The following GRM1 variants were observed in gnomAD, a reference collection of about 807,000 sequenced individuals.
GRM1 encodes glutamate metabotropic receptor 1.
A neutral mutation model predicts 90.9 loss-of-function variants in GRM1; 33 were observed. The observed-to-expected ratio is 0.36, with a 90% CI of 0.28 to 0.49. GRM1 has a LOEUF of 0.49. Ranked by LOEUF, GRM1 falls within the 20% of genes least tolerant of loss-of-function variation. The pLI is 0.99. For missense variants in GRM1, 1,190 were observed against 1,534.3 expected (o/e 0.78, Z 3.75); for synonymous variants, 700 against 613.2 (o/e 1.14, Z -2.09).
intron 3 of GRM1, among the ~76,000 whole-genome samples, chr6:146,311,631 T>C (rs929448649): frequency 2.6e-5 from 4 of 152,210 alleles, no homozygotes; most frequent in African/African-American, 9.7e-5. Flanking sequence ...AATGAAACCT[T>C]CAGTTCCTCA....
chr6:146,331,512 G>A (rs1052248636), intron 3 of GRM1, among the ~76,000 whole-genome samples: 10 of 152,152 alleles, frequency 6.6e-5, no homozygotes, highest in African/African-American at 2.2e-4. Flanking sequence ...TGCATGTATA[G>A]ATTTAAAATC....
chr6:146,173,166 A>T (rs1778201184), intron 2 of GRM1, among the ~76,000 whole-genome samples: 1 of 152,080 alleles, frequency 6.6e-6, no homozygotes, highest in Non-Finnish European at 1.5e-5. Flanking sequence ...AAGTGGGTGG[A>T]TCACCTGAGG....
At chr6:146,145,781 T>A (rs1289815518) in intron 1 of GRM1, among the ~76,000 whole-genome samples, 8 of 152,132 alleles carry the variant, frequency 5.3e-5, no homozygotes, top group African/African-American at 1.9e-4. Context: ...CAATGCCCAT[T>A]GGAGCCATGA....
chr6:146,069,795 C>G (rs1157699483), intron 1 of GRM1, among the ~76,000 whole-genome samples: 1 of 152,192 alleles, frequency 6.6e-6, no homozygotes, highest in East Asian at 1.9e-4. Context: ...ATCATCACCA[C>G]TATTTCTATG....
At chr6:146,304,913 T>A in intron 3 of GRM1, 67 bp downstream of exon 3, 1 of 1,117,492 alleles carries the variant, frequency 8.9e-7, no homozygotes, top group East Asian at 2.4e-5. Context: ...TTGCAACTTG[T>A]TGAATGAGAA....
Position 146,437,534 on chromosome 6 carries a change from G to A in GRM1, c.*2738G>A, listed in dbSNP as rs370428850. On this transcript the variant is annotated 3_prime_UTR_variant, in exon 8 of 8. Transcript: ENST00000282753. The stretch of plus-strand genomic sequence containing the variant: ...GCTTCTTGTAAATGTGTTTTCCTTC[G>A]GCTTGTTACTGCCTTTTGTCAAATA... The A allele has an allele frequency of 1.3e-5, 2 of 152,444 alleles. No individual in the cohort carries two copies. Among genetic ancestry groups the A allele is most frequent in the South Asian group, 2.1e-4 (1 of 4,818 alleles). The allele number at this position is 152,444 out of a possible 1,614,324, so 9.4% of individuals were successfully genotyped here.
At chr6:146,064,572 A>G (rs181888055) in intron 1 of GRM1, among the ~76,000 whole-genome samples, 3 of 152,182 alleles carry the variant, frequency 2.0e-5, no homozygotes, top group Admixed American at 6.5e-5. Flanking sequence ...GATTATCAGT[A>G]TATAGTATCT....
At chr6:146,122,042 T>A (rs1776007413) in intron 1 of GRM1, among the ~76,000 whole-genome samples, 1 of 152,172 alleles carries the variant, frequency 6.6e-6, no homozygotes, top group African/African-American at 2.4e-5. Flanking sequence ...TGTTAAAGTC[T>A]CCCATTATTA....
At chr6:146,141,954 G>A (rs150050950) in intron 1 of GRM1, among the ~76,000 whole-genome samples, 1 of 152,148 alleles carries the variant, frequency 6.6e-6, no homozygotes, top group African/African-American at 2.4e-5. Context: ...GTGGAATTTT[G>A]TTGGTGGCTG....
At chr6:146,245,463 A>G (rs919247810) in intron 2 of GRM1, among the ~76,000 whole-genome samples, 2 of 152,234 alleles carry the variant, frequency 1.3e-5, no homozygotes, top group African/African-American at 4.8e-5. Context: ...GCTTAAAAAT[A>G]CTTATCATAA....
intron 7 of GRM1, among the ~76,000 whole-genome samples, chr6:146,422,970 A>T (rs1778053802): frequency 6.8e-6 from 1 of 146,296 alleles, no homozygotes; most frequent in South Asian, 2.4e-4. Context: ...AAGGGAGAGG[A>T]GGGAGGGAGG....
chr6:146,077,161 A>T (rs6570737), intron 1 of GRM1, among the ~76,000 whole-genome samples: 8,099 of 152,264 alleles, frequency 0.053, 704 homozygotes, highest in African/African-American at 0.18. Flanking sequence ...TGATGGATAC[A>T]TATTCAAAAC....
intron 1 of GRM1, among the ~76,000 whole-genome samples, chr6:146,053,405 T>A (rs930361927): frequency 6.6e-6 from 1 of 152,060 alleles, no homozygotes; most frequent in African/African-American, 2.4e-5. Context: ...TTAAATTACT[T>A]TATGTAAGGC....
chr6:146,245,227 G>T (rs1028262050), intron 2 of GRM1, among the ~76,000 whole-genome samples: 1 of 152,114 alleles, frequency 6.6e-6, no homozygotes, highest in African/African-American at 2.4e-5. Context: ...GGCAAGAATG[G>T]TGATATAAAT....
At chr6:146,203,557 T>A (rs1205907766) in intron 2 of GRM1, among the ~76,000 whole-genome samples, 1 of 152,220 alleles carries the variant, frequency 6.6e-6, no homozygotes, top group Non-Finnish European at 1.5e-5. Context: ...GATAGTCCTA[T>A]TTCAGGGACA....
At chr6:146,201,808 A>G (rs749711148) in intron 2 of GRM1, among the ~76,000 whole-genome samples, 3 of 152,238 alleles carry the variant, frequency 2.0e-5, no homozygotes, top group Non-Finnish European at 4.4e-5. Context: ...ACTTGCCTAA[A>G]AATCACATAG....
intron 1 of GRM1, among the ~76,000 whole-genome samples, chr6:146,147,652 C>A (rs1777162738): frequency 6.6e-6 from 1 of 152,164 alleles, no homozygotes; most frequent in Non-Finnish European, 1.5e-5. Context: ...CTGCTTCTAG[C>A]CCTTTGCCTA....
intron 1 of GRM1, among the ~76,000 whole-genome samples, chr6:146,142,565 C>T (rs904950583): frequency 6.6e-6 from 1 of 152,030 alleles, no homozygotes; most frequent in Non-Finnish European, 1.5e-5. Context: ...AGGGATTTAC[C>T]TTGTTCTGTA....
chr6:146,138,257 A>T (rs1251134853), intron 1 of GRM1, among the ~76,000 whole-genome samples: 1 of 152,056 alleles, frequency 6.6e-6, no homozygotes, highest in African/African-American at 2.4e-5. Flanking sequence ...AAAAGCTTTC[A>T]GTTTTTCCCC....
Sources: gnomAD v4.1 joint callset for allele counts (sites outside exome capture counted in the v4.1 genomes callset) on GRCh38, gnomAD v4.1.1 for gene constraint, MANE v1.5 for transcripts, NCBI Gene and HGNC (gene_info 2026-07-23, HGNC 2026-07-21) for gene names.